Variants in CCDC171 observed in about 807,000 individuals in gnomAD.
The protein encoded by CCDC171 is coiled-coil domain containing 171, also known as coiled-coil domain-containing protein 171.
A neutral mutation model predicts 168.2 loss-of-function variants in CCDC171; 177 were observed. The observed-to-expected ratio is 1.05, with a 90% CI of 0.93 to 1.19. The LOEUF (loss-of-function observed/expected upper bound fraction) is 1.19. CCDC171 is among the 50% of genes most tolerant of loss of function. The pLI is 0.00. For synonymous variants in CCDC171, 687 were observed against 540.8 expected (o/e 1.27, Z -3.75); for missense variants, 1,991 against 1,539.0 (o/e 1.29, Z -4.91).
At chr9:15,842,543 G>C (rs2060723463) in intron 21 of CCDC171, among the ~76,000 whole-genome samples, 1 of 151,878 alleles carries the variant, frequency 6.6e-6, no homozygotes, top group Non-Finnish European at 1.5e-5. Context: ...CTGAAACTGA[G>C]AGATAATATT....
In CCDC171 at chr9:15,591,391, G is replaced by C; in HGVS notation, c.378G>C (p.Lys126Asn). The stretch of plus-strand genomic sequence containing the variant: ...CACAGAATTCAGAACTTCAAGCAAA[G>C]ACAAATGAGACTGAGAAAGCATTTC... Reference protein sequence around the residue: ...LCAQNSELQAKTNETEKAFQT... With the variant: ...LCAQNSELQANTNETEKAFQT... Residue 126 changes from lysine to asparagine, a missense_variant, in exon 5 of 26, where the codon AAG becomes AAC. Lys to Asn is a moderately conservative substitution (Grantham distance 94). Transcript: ENST00000380701. 1 of 1,603,758 alleles carries C rather than the reference G, an allele frequency of 6.2e-7. No individual in the cohort carries two copies. The highest frequency in any genetic ancestry group is 8.5e-7 in the Non-Finnish European group (1 of 1,176,090).
At chr9:16,074,343 A>T in the CCDC171 span, among the ~76,000 whole-genome samples, 7 of 152,304 alleles carry the variant, frequency 4.6e-5, no homozygotes, top group African/African-American at 1.4e-4. Flanking sequence ...GTGAAGTTTT[A>T]TGGGGAGTGG....
Position 15,971,670 on chromosome 9 carries a change from CA to C in CCDC171, c.3817del (p.Thr1273LeufsTer9), listed in dbSNP as rs767329507. 7.6e-5 allele frequency: 122 copies of C among 1,613,748 alleles called. No homozygotes were observed. The highest frequency in any genetic ancestry group is 9.2e-5 in the Non-Finnish European group (108 of 1,179,872). ...TCAAGAGCTCCTCTTCCTGCTGACACAACTGGTATTGGGGATTTCTTACCAT... is the reference window on the plus strand; with the variant it reads ...TCAAGAGCTCCTCTTCCTGCTGACACACTGGTATTGGGGATTTCTTACCAT... Reference protein sequence around the residue: ...IPSRAPLPADTTGIGDFLPLK... With the variant: ...IPSRAPLPADXTGIGDFLPLK... On this transcript the variant is annotated frameshift_variant, in exon 26 of 26. Transcript: ENST00000380701. LOFTEE classifies it high-confidence loss of function.
intron 18 of CCDC171, among the ~76,000 whole-genome samples, chr9:15,748,005 A>C (rs796813766): frequency 5.1e-4 from 77 of 152,308 alleles, no homozygotes; most frequent in African/African-American, 1.6e-3. Flanking sequence ...ACCTTGAAAA[A>C]AGGTTAGACG....
chr9:15,746,421 T>C (rs1210986822), intron 18 of CCDC171, among the ~76,000 whole-genome samples: 1 of 152,224 alleles, frequency 6.6e-6, no homozygotes, highest in East Asian at 1.9e-4. Flanking sequence ...AAGATTATTT[T>C]TAAGTTGTGG....
chr9:15,784,183 G>C (rs139670987), intron 20 of CCDC171, among the ~76,000 whole-genome samples: 348 of 152,116 alleles, frequency 2.3e-3, no homozygotes, highest in Middle Eastern at 0.01. Context: ...ATTTGTTAAA[G>C]GTTTTAATTC....
chr9:15,651,425 T>A (rs994816530), intron 7 of CCDC171, among the ~76,000 whole-genome samples: 1 of 151,700 alleles, frequency 6.6e-6, no homozygotes, highest in Non-Finnish European at 1.5e-5. Flanking sequence ...TTTTTTTTTT[T>A]AATAGAGATG....
intron 21 of CCDC171, among the ~76,000 whole-genome samples, chr9:15,845,162 T>C (rs1023265218): frequency 6.6e-6 from 1 of 152,102 alleles, no homozygotes; most frequent in African/African-American, 2.4e-5. Context: ...AATAAAGAAA[T>C]CTTATAATGC....
intron 21 of CCDC171, among the ~76,000 whole-genome samples, chr9:15,796,715 G>T (rs2058574351): frequency 6.6e-6 from 1 of 151,622 alleles, no homozygotes; most frequent in Non-Finnish European, 1.5e-5. Context: ...TCAGGCAAGA[G>T]GCACATTTGT....
intron 1 of CCDC171, among the ~76,000 whole-genome samples, chr9:16,060,140 G>T (rs989536547): frequency 6.6e-6 from 1 of 150,954 alleles, no homozygotes; most frequent in South Asian, 2.1e-4. Flanking sequence ...TCCTTTGCAG[G>T]GTCTTCTCTC....
intron 25 of CCDC171, among the ~76,000 whole-genome samples, chr9:15,922,809 C>T (rs781707311): frequency 2.9e-4 from 44 of 151,316 alleles, no homozygotes; most frequent in African/African-American, 9.4e-4. Flanking sequence ...TGCATTTCCC[C>T]GAAGATTAGT....
chr9:15,918,334 C>G (rs928042915), intron 24 of CCDC171, among the ~76,000 whole-genome samples: 1 of 151,124 alleles, frequency 6.6e-6, no homozygotes, highest in Non-Finnish European at 1.5e-5. Context: ...AAGAAAACGA[C>G]TCTTTTTCCC....
At chr9:15,595,788 C>A (rs577553280) in intron 6 of CCDC171, among the ~76,000 whole-genome samples, 3 of 152,152 alleles carry the variant, frequency 2.0e-5, no homozygotes, top group Non-Finnish European at 4.4e-5. Flanking sequence ...TCCTATTTCT[C>A]CACATCCTCT....
chr9:15,554,836 C>G (rs534705411), intron 1 of CCDC171, among the ~76,000 whole-genome samples: 1 of 152,264 alleles, frequency 6.6e-6, no homozygotes, highest in South Asian at 2.1e-4. Context: ...TCAACATCTC[C>G]AAGCCTCAGT....
At chr9:15,987,910 A>G (rs532512435) in intron 3 of CCDC171, among the ~76,000 whole-genome samples, 1 of 152,252 alleles carries the variant, frequency 6.6e-6, no homozygotes, top group East Asian at 1.9e-4. Flanking sequence ...AACTTTGTGC[A>G]TGAAACAGTT....
At chr9:15,938,214 G>C (rs1380727366) in intron 25 of CCDC171, among the ~76,000 whole-genome samples, 1 of 151,734 alleles carries the variant, frequency 6.6e-6, no homozygotes, top group Non-Finnish European at 1.5e-5. Context: ...CATGCTGTTT[G>C]GGTCTAGACT....
At chr9:15,677,161 A>G (rs2049640935) in intron 9 of CCDC171, among the ~76,000 whole-genome samples, 1 of 151,990 alleles carries the variant, frequency 6.6e-6, no homozygotes, top group Non-Finnish European at 1.5e-5. Context: ...CACCTTATTC[A>G]TCTTTCTCTG....
Position 15,862,979 on chromosome 9 carries a change from C to G in CCDC171, c.3469-11553C>G, listed in dbSNP as rs199808848. Among the ~76,000 whole-genome samples the G allele has an allele frequency of 2.6e-5, 4 of 151,918 alleles. No individual in the cohort carries two copies. The East Asian group carries it at 7.8e-4, about 30-fold the overall frequency. On this transcript the variant is annotated intron_variant, in intron 23 of 25. Coordinates refer to ENST00000380701, the MANE Select transcript of CCDC171 (RefSeq NM_173550.4). ...AGCTGGGCATTTTTTTTCACTGGTC[C>G]TTTCTGTGCCAAGCCAGGGGAGAGC...
At chr9:16,065,862 C>T (rs962802756), downstream of CCDC171, among the ~76,000 whole-genome samples, 1 of 148,380 alleles carries the variant, frequency 6.7e-6, no homozygotes, top group Non-Finnish European at 1.5e-5. Context: ...AATGAGGCAA[C>T]ACATATAAAG....
Sources: gnomAD v4.1 joint callset for allele counts (sites outside exome capture counted in the v4.1 genomes callset) on GRCh38, gnomAD v4.1.1 for gene constraint, MANE v1.5 for transcripts, NCBI Gene and HGNC (gene_info 2026-07-23, HGNC 2026-07-21) for gene names.